REDIC1: variants seen among roughly 807,000 people sequenced by gnomAD.
REDIC1 encodes the protein HEI10 Interacting Protein 1.
chr12:39,863,346 T>C, the REDIC1 span, among the ~76,000 whole-genome samples: 1 of 152,148 alleles, frequency 6.6e-6, no homozygotes, highest in African/African-American at 2.4e-5. Flanking sequence ...TGTAAATCAC[T>C]AAAAACTTAC....
the REDIC1 span, among the ~76,000 whole-genome samples, chr12:39,761,620 G>C: frequency 7.9e-4 from 25 of 31,648 alleles, no homozygotes; most frequent in South Asian, 0.034. Context: ...TGGAGAATGG[G>C]GGAATTTTGA....
the REDIC1 span, among the ~76,000 whole-genome samples, chr12:39,772,062 C>G: frequency 6.6e-6 from 1 of 152,216 alleles, no homozygotes; most frequent in East Asian, 1.9e-4. Flanking sequence ...CTCCTCCTCT[C>G]AACTCCTTTT....
chr12:39,697,544 A>C, the REDIC1 span, among the ~76,000 whole-genome samples: 3,076 of 152,350 alleles, frequency 0.02, 42 homozygotes, highest in Non-Finnish European at 0.028. Flanking sequence ...AATAATAACT[A>C]TATCAGCTTT....
the REDIC1 span, among the ~76,000 whole-genome samples, chr12:39,749,354 C>T: frequency 6.6e-6 from 1 of 152,194 alleles, no homozygotes; most frequent in East Asian, 1.9e-4. Context: ...CATACACCCT[C>T]CCAAGACTAA....
the REDIC1 span, among the ~76,000 whole-genome samples, chr12:39,698,024 A>G: frequency 6.6e-6 from 1 of 152,218 alleles, no homozygotes; most frequent in Non-Finnish European, 1.5e-5. Flanking sequence ...CATTTCACCT[A>G]TAAAGACACA....
chr12:39,899,788 G>C, the REDIC1 span, among the ~76,000 whole-genome samples: 3 of 152,118 alleles, frequency 2.0e-5, no homozygotes, highest in Admixed American at 2.0e-4. Context: ...TAGTTGAGCA[G>C]TTTTGAGTGA....
chr12:39,630,089 T>G, the REDIC1 span, among the ~76,000 whole-genome samples: 4 of 152,182 alleles, frequency 2.6e-5, no homozygotes, highest in African/African-American at 9.7e-5. Context: ...CTAATCAGGT[T>G]GAAGTGCAGA....
chr12:39,904,321 T>C, the REDIC1 span, among the ~76,000 whole-genome samples: 1 of 152,154 alleles, frequency 6.6e-6, no homozygotes, highest in Non-Finnish European at 1.5e-5. Flanking sequence ...AACCACATTG[T>C]AGTTTAGACA....
chr12:39,695,224 A>G, the REDIC1 span, among the ~76,000 whole-genome samples: 1 of 152,092 alleles, frequency 6.6e-6, no homozygotes, highest in Admixed American at 6.5e-5. Context: ...AAGCAGAGAG[A>G]AAAGTAAAGG....
chr12:39,706,074 A>G, the REDIC1 span, among the ~76,000 whole-genome samples: 2 of 152,068 alleles, frequency 1.3e-5, no homozygotes, highest in Non-Finnish European at 2.9e-5. Flanking sequence ...AAAAACCAAA[A>G]GATGCCATAA....
At chr12:39,903,903 G>C in the REDIC1 span, among the ~76,000 whole-genome samples, 1 of 152,032 alleles carries the variant, frequency 6.6e-6, no homozygotes, top group Non-Finnish European at 1.5e-5. Flanking sequence ...TATCAAACTG[G>C]ACTGATATCC....
chr12:39,704,061 A>G, the REDIC1 span, among the ~76,000 whole-genome samples: 1 of 152,232 alleles, frequency 6.6e-6, no homozygotes, highest in Non-Finnish European at 1.5e-5. Flanking sequence ...ACAAAAGCCA[A>G]AATTGACAAA....
At chr12:39,754,192 T>A in the REDIC1 span, 6 of 152,110 alleles carry the variant, frequency 3.9e-5, no homozygotes, top group East Asian at 1.2e-3. Flanking sequence ...CTTGGGCAAG[T>A]GACAAAAATG....
At chr12:39,662,949 A>C in the REDIC1 span, among the ~76,000 whole-genome samples, 144 of 152,118 alleles carry the variant, frequency 9.5e-4, 2 homozygotes, top group African/African-American at 3.2e-3. Flanking sequence ...CATATGTTGA[A>C]CCATTCTTAT....
At chr12:39,713,534 G>A in the REDIC1 span, among the ~76,000 whole-genome samples, 57 of 148,656 alleles carry the variant, frequency 3.8e-4, no homozygotes, top group African/African-American at 1.2e-3. Flanking sequence ...ATGTGTACAC[G>A]TACATACGTA....
the REDIC1 span, among the ~76,000 whole-genome samples, chr12:39,645,394 CA>C: frequency 2.0e-5 from 3 of 151,978 alleles, no homozygotes; most frequent in African/African-American, 7.2e-5. Flanking sequence ...ACTCCTTTAA[CA>C]GGAAGAGTGA....
the REDIC1 span, among the ~76,000 whole-genome samples, chr12:39,716,272 TAAC>T: frequency 6.6e-6 from 1 of 151,962 alleles, no homozygotes; most frequent in African/African-American, 2.4e-5. Flanking sequence ...AATTGTAAAA[TAAC>T]AATATTAAGC....
At chr12:39,876,298 A>G in the REDIC1 span, among the ~76,000 whole-genome samples, 2 of 152,240 alleles carry the variant, frequency 1.3e-5, no homozygotes, top group African/African-American at 4.8e-5. Flanking sequence ...TTTGGAAATG[A>G]CAGTCTATCC....
At chr12:39,774,558 C>A in the REDIC1 span, among the ~76,000 whole-genome samples, 1 of 149,108 alleles carries the variant, frequency 6.7e-6, no homozygotes, top group Non-Finnish European at 1.5e-5. Context: ...AAAATCCTGC[C>A]CTTGAATGAT....
Sources: allele counts gnomAD v4.1 joint callset (sites outside exome capture counted in the v4.1 genomes callset), GRCh38; gene constraint gnomAD v4.1.1; transcripts MANE v1.5; gene names NCBI Gene and HGNC (gene_info 2026-07-23, HGNC 2026-07-21).